INPP4A: variants seen among roughly 807,000 people sequenced by gnomAD.
The protein encoded by INPP4A is inositol polyphosphate-4-phosphatase type I A, also known as inositol polyphosphate-4-phosphatase, type I, 107kD.
In INPP4A, 33 loss-of-function variants were observed where a neutral mutation model predicts 119.8. That is an observed-to-expected ratio of 0.28 (90% CI 0.21 to 0.37). INPP4A has a LOEUF of 0.37. Ranked by LOEUF, INPP4A falls within the 10% of genes least tolerant of loss-of-function variation. The probability of loss-of-function intolerance (pLI) is 1.00; values close to 1 mark genes in which losing one functional copy is unlikely to be tolerated. For synonymous variants in INPP4A, 496 were observed against 500.7 expected (o/e 0.99, Z 0.12); for missense variants, 956 against 1,289.9 (o/e 0.74, Z 3.97).
At chr2:98,547,230 C>A (rs555413794) in intron 13 of INPP4A, among the ~76,000 whole-genome samples, 1 of 152,158 alleles carries the variant, frequency 6.6e-6, no homozygotes, top group Non-Finnish European at 1.5e-5. Flanking sequence ...GTGCTGGGGG[C>A]GGAGAGCTAA....
At chr2:98,476,059 A>G (rs578071295) in intron 1 of INPP4A, among the ~76,000 whole-genome samples, 35 of 152,322 alleles carry the variant, frequency 2.3e-4, no homozygotes, top group African/African-American at 7.7e-4. Flanking sequence ...GATTTTGCCT[A>G]TGTTTTTCTC....
At chr2:98,563,728 G>T in intron 18 of INPP4A, 91 bp downstream of exon 18, 2 of 1,303,480 alleles carry the variant, frequency 1.5e-6, no homozygotes, top group African/African-American at 1.5e-5. Context: ...CACTTCACTT[G>T]TAAAAGACCC....
chr2:98,573,684 G>A (rs1269739762), intron 23 of INPP4A, among the ~76,000 whole-genome samples: 4 of 152,194 alleles, frequency 2.6e-5, no homozygotes, highest in African/African-American at 9.6e-5. Flanking sequence ...ACTCTGAAGT[G>A]TGCCTCTCCG....
chr2:98,583,611 G>C (rs951533438), intron 24 of INPP4A, among the ~76,000 whole-genome samples: 5 of 152,162 alleles, frequency 3.3e-5, no homozygotes, highest in African/African-American at 1.2e-4. Context: ...ATCTCCAGCT[G>C]GTTCCCCATA....
chr2:98,523,370 T>TTTTTG, intron 4 of INPP4A, among the ~76,000 whole-genome samples: 1 of 152,138 alleles, frequency 6.6e-6, no homozygotes, highest in South Asian at 2.1e-4. Context: ...ACCCCAGTTT[T>TTTTTG]TTTTGTTTTG....
chr2:98,456,007 C>T (rs918891170), intron 1 of INPP4A, among the ~76,000 whole-genome samples: 1 of 152,164 alleles, frequency 6.6e-6, no homozygotes, highest in Non-Finnish European at 1.5e-5. Context: ...AGACAGTCCC[C>T]CAGTACAACT....
chr2:98,493,867 T>C (rs1167401964), intron 1 of INPP4A, among the ~76,000 whole-genome samples: 2 of 152,162 alleles, frequency 1.3e-5, no homozygotes, highest in Non-Finnish European at 1.5e-5. Flanking sequence ...TTAAATTTTA[T>C]TGGGATTCAC....
chr2:98,517,703 A>G (rs1349216199), intron 1 of INPP4A, among the ~76,000 whole-genome samples: 2 of 152,196 alleles, frequency 1.3e-5, no homozygotes, highest in Non-Finnish European at 2.9e-5. Context: ...TTTCTTACCT[A>G]TAGCTGGGCA....
intron 1 of INPP4A, among the ~76,000 whole-genome samples, chr2:98,460,508 T>A (rs1456467326): frequency 6.6e-6 from 1 of 152,186 alleles, no homozygotes; most frequent in African/African-American, 2.4e-5. Context: ...TAAGACTCTT[T>A]CATTCTTTTT....
intron 1 of INPP4A, among the ~76,000 whole-genome samples, chr2:98,497,773 T>A (rs959795550): frequency 6.6e-6 from 1 of 152,220 alleles, no homozygotes; most frequent in Admixed American, 6.5e-5. Context: ...AGCCCACCTC[T>A]TGCATCAGCA....
At chr2:98,501,484 C>G (rs1469537789) in intron 1 of INPP4A, among the ~76,000 whole-genome samples, 1 of 152,166 alleles carries the variant, frequency 6.6e-6, no homozygotes, top group Non-Finnish European at 1.5e-5. Context: ...AAGTCCTGCC[C>G]CTTTCCAGCC....
At position 98,555,534 on chromosome 2, in the gene INPP4A, G is replaced by T. The variant is rs199979126; in HGVS notation, c.1567-19G>T. ...CTGTTCGGGAGAGCTGACCCACATG[G>T]GCCCCTTTGATTTGGAAGGAGAAAG... On this transcript the variant is annotated intron_variant, in intron 15 of 24. Coordinates refer to ENST00000409851, the MANE Select transcript of INPP4A (RefSeq NM_001134225.2). 223 of 1,581,326 alleles carry T rather than the reference G, an allele frequency of 1.4e-4. 1 individual carries two copies. In the East Asian group the frequency reaches 4.9e-3, roughly 35 times the overall value.
chr2:98,529,444 C>T (rs1166605470), intron 4 of INPP4A, among the ~76,000 whole-genome samples: 1 of 152,064 alleles, frequency 6.6e-6, no homozygotes, highest in Non-Finnish European at 1.5e-5. Context: ...CTTTAAAAAA[C>T]CACAGAATTG....
At chr2:98,544,920 G>A (rs571099874) in intron 11 of INPP4A, among the ~76,000 whole-genome samples, 4 of 152,362 alleles carry the variant, frequency 2.6e-5, no homozygotes, top group Admixed American at 2.6e-4. Context: ...ATTTGCCCAG[G>A]AAGGAACCAA....
Position 98,589,419 on chromosome 2 carries a change from T to A in INPP4A, c.*1811T>A, listed in dbSNP as rs1700224985. The A allele has an allele frequency of 5.5e-6, 1 of 183,442 alleles. No homozygotes were observed. Among genetic ancestry groups the A allele is most frequent in the Non-Finnish European group, 1.2e-5 (1 of 86,392 alleles). The allele number at this position is 183,442 out of a possible 1,614,324, so 11.4% of individuals were successfully genotyped here. ...AACTTTTAAAAAATCTCCTTGCTTT[T>A]TAAAAATAAATATTACCCACATAGT... On this transcript the variant is annotated 3_prime_UTR_variant, in exon 25 of 25. Coordinates refer to ENST00000409851, the MANE Select transcript of INPP4A (RefSeq NM_001134225.2).
Position 98,566,178 on chromosome 2 carries a change from C to G in INPP4A, c.2420+9C>G, listed in dbSNP as rs377585816. 5 of 1,578,134 alleles carry G rather than the reference C, an allele frequency of 3.2e-6. No individual in the cohort carries two copies. Among genetic ancestry groups the G allele is most frequent in the Middle Eastern group, 3.3e-4 (2 of 5,984 alleles). On this transcript the variant is annotated intron_variant, in intron 21 of 24. Transcript: ENST00000409851. This position sits in a 1 kb window ranked among gnomAD's most constrained non-coding sequence, Gnocchi z 4.2. ...CAGACACTGGCCGAGAGGTGCGTGCCGGCTCCTCGGGGCTGCGGGGGTGTG... is the reference window on the plus strand; with the variant it reads ...CAGACACTGGCCGAGAGGTGCGTGCGGGCTCCTCGGGGCTGCGGGGGTGTG...
At chr2:98,571,154 T>C (rs1697366866) in intron 22 of INPP4A, among the ~76,000 whole-genome samples, 1 of 152,198 alleles carries the variant, frequency 6.6e-6, no homozygotes, top group African/African-American at 2.4e-5. Context: ...AGCAGATTTG[T>C]CACATGCTCG....
At chr2:98,533,199 G>A (rs146151165) in intron 4 of INPP4A, among the ~76,000 whole-genome samples, 178 bp from the exon 5 acceptor site, 3 of 152,342 alleles carry the variant, frequency 2.0e-5, no homozygotes, top group African/African-American at 7.2e-5. Context: ...GGGAGGGGGC[G>A]TGAAAAGAGA....
In INPP4A at chr2:98,565,725, C is replaced by T; in HGVS notation, c.2238C>T (p.Ser746=). The T allele has an allele frequency of 6.2e-7, 1 of 1,613,546 alleles. No homozygotes were observed. Among genetic ancestry groups the T allele is most frequent in the Non-Finnish European group, 8.5e-7 (1 of 1,179,682 alleles). The change falls in exon 20 of 25, where the codon TCC becomes TCT. Residue 746 remains serine, a synonymous_variant. Transcript: ENST00000409851. The part of the protein sequence containing the change: ...NVTFKVTQAT[S]SASADMLPVI... ...CCTTCAAAGTCACTCAGGCCACTTC[C>T]AGCGCCTCCGCAGACATGCTGCCCG...
Sources: allele counts gnomAD v4.1 joint callset (sites outside exome capture counted in the v4.1 genomes callset), GRCh38; gene constraint gnomAD v4.1.1; non-coding constraint Gnocchi (gnomAD v3.1); transcripts MANE v1.5; gene names NCBI Gene and HGNC (gene_info 2026-07-23, HGNC 2026-07-21).